The following AGPAT2 variants were observed in gnomAD, a reference collection of about 807,000 sequenced individuals.
AGPAT2 encodes 1-acyl-sn-glycerol-3-phosphate acyltransferase beta.
AGPAT2 carries 18 observed loss-of-function variants against 26.1 expected under a neutral mutation model. That is an observed-to-expected ratio of 0.69 (90% CI 0.48 to 1.02). The LOEUF is 1.02. Among genes scored for constraint, AGPAT2 ranks in the 50% least tolerant of loss-of-function variants. The probability of loss-of-function intolerance (pLI) is 0.00; values close to 1 mark genes in which losing one functional copy is unlikely to be tolerated. For missense variants in AGPAT2, 415 were observed against 394.9 expected, an observed-to-expected ratio of 1.05 and a Z score of -0.43; for synonymous variants, 200 against 174.2, an observed-to-expected ratio of 1.15 and a Z score of -1.16.
At chr9:136,686,230 T>G (rs1381319086) in intron 1 of AGPAT2, among the ~76,000 whole-genome samples, 2 of 152,194 alleles carry the variant, frequency 1.3e-5, no homozygotes, top group Non-Finnish European at 2.9e-5. Flanking sequence ...CCACTGCCCC[T>G]GGAACCACGG....
At chr9:136,687,092 G>C in intron 1 of AGPAT2, 84 bp downstream of exon 1, 1 of 1,438,644 alleles carries the variant, frequency 7.0e-7, no homozygotes, top group East Asian at 2.7e-5. Context: ...GGCGGGGCAG[G>C]AAGGAGGGAA....
intron 4 of AGPAT2, 95 bp from the exon 5 acceptor site, chr9:136,674,902 AC>A (rs1846070825): frequency 2.3e-6 from 2 of 861,232 alleles, no homozygotes; most frequent in Non-Finnish European, 3.3e-6. Flanking sequence ...CCTGCGGCCC[AC>A]CCACCCCTGC....
chr9:136,681,227 C>T lies in AGPAT2; in HGVS notation c.183-3671G>A, dbSNP rs893929446. ...GGCGGTGCTGAGCAGGCGCTGTGTC[C>T]CGCCGCCCACCACCGGCCCCTGGTC... On this transcript the variant is annotated intron_variant, in intron 1 of 5. Transcript: ENST00000371696. Among the ~76,000 whole-genome samples, 11 of 152,188 alleles carry T rather than the reference C, an allele frequency of 7.2e-5. No individual in the cohort carries two copies. The South Asian group carries it at 1.2e-3, about 17-fold the overall frequency.
At chr9:136,685,846 G>A (rs546306067) in intron 1 of AGPAT2, among the ~76,000 whole-genome samples, 1 of 152,180 alleles carries the variant, frequency 6.6e-6, no homozygotes, top group Non-Finnish European at 1.5e-5. Flanking sequence ...GGCCTTCACA[G>A]ATTCCAGCAC....
In AGPAT2 at chr9:136,673,804, G is replaced by A. The variant is rs773653710; in HGVS notation, c.785C>T (p.Thr262Ile). ...MRTTFLHISK[T>I]PQENGATAGS... Reference sequence around the variant, plus strand: ...CGCAGTGGCCCCGTTCTCCTGGGGGGTCTTGGAGATGTGGAGGAAGGTGGT... The same window carrying A: ...CGCAGTGGCCCCGTTCTCCTGGGGGATCTTGGAGATGTGGAGGAAGGTGGT... The change falls in exon 6 of 6, where the codon ACC becomes ATC. Residue 262 changes from threonine (T) to isoleucine (I), a missense_variant. Physicochemically the swap from Thr to Ile is moderately conservative, Grantham distance 89. Coordinates refer to ENST00000371696, the MANE Select transcript of AGPAT2 (RefSeq NM_006412.4). The A allele has an allele frequency of 5.6e-6, 9 of 1,606,390 alleles. No individual in the cohort carries two copies. The highest frequency in any genetic ancestry group is 5.3e-5 in the African/African-American group (4 of 74,806).
chr9:136,677,069 G>C lies in AGPAT2; in HGVS notation c.384C>G (p.Pro128=), dbSNP rs139719956. 1 of 1,613,124 alleles carries C rather than the reference G, an allele frequency of 6.2e-7. No homozygotes were observed. The highest frequency in any genetic ancestry group is 1.3e-5 in the African/African-American group (1 of 74,904). Residue 128 remains proline (P), a synonymous_variant, in exon 3 of 6, where the codon CCC becomes CCG. Transcript: ENST00000371696. ...IAKRELLFLG[P]VGLIMYLGGV... ...CCCCGAGGTACATGATGAGGCCCACGGGCCCCAGGAAGAGCAGCTCCCGCT... is the reference window on the plus strand; with the variant it reads ...CCCCGAGGTACATGATGAGGCCCACCGGCCCCAGGAAGAGCAGCTCCCGCT...
At chr9:136,680,615 G>A (rs962492800) in intron 1 of AGPAT2, among the ~76,000 whole-genome samples, 2 of 152,140 alleles carry the variant, frequency 1.3e-5, no homozygotes, top group Non-Finnish European at 2.9e-5. Context: ...GGGGTCCCCC[G>A]TAATATCTTT....
At chr9:136,677,661 C>G in intron 1 of AGPAT2, 105 bp from the exon 2 acceptor site, 2 of 1,416,254 alleles carry the variant, frequency 1.4e-6, no homozygotes, top group Non-Finnish European at 9.8e-7. Context: ...GAGGGGCCCT[C>G]CTGGCACGGG....
At chr9:136,687,125 C>A in intron 1 of AGPAT2, 51 bp downstream of exon 1, 1 of 1,535,216 alleles carries the variant, frequency 6.5e-7, no homozygotes, top group Non-Finnish European at 8.7e-7. Flanking sequence ...GTTAGGGAAG[C>A]GGAAGCGGCG....
intron 1 of AGPAT2, among the ~76,000 whole-genome samples, chr9:136,686,442 C>T (rs1311654204): frequency 6.6e-6 from 1 of 152,246 alleles, no homozygotes; most frequent in Non-Finnish European, 1.5e-5. Flanking sequence ...CCCAGTCTGA[C>T]CTCTGGCCCC....
chr9:136,683,072 G>C (rs1206460668), intron 1 of AGPAT2, among the ~76,000 whole-genome samples: 1 of 149,250 alleles, frequency 6.7e-6, no homozygotes, highest in Non-Finnish European at 1.5e-5. Context: ...GGGGGTGGGG[G>C]GGAGGGGGGG....
intron 1 of AGPAT2, among the ~76,000 whole-genome samples, chr9:136,684,957 C>T (rs1338160627): frequency 6.6e-6 from 1 of 152,178 alleles, no homozygotes; most frequent in East Asian, 1.9e-4. Context: ...CTGCCTTTCT[C>T]ACCCCTCCCG....
chr9:136,682,792 C>T (rs62580385), intron 1 of AGPAT2, among the ~76,000 whole-genome samples: 10,545 of 152,216 alleles, frequency 0.069, 466 homozygotes, highest in Non-Finnish European at 0.1. Context: ...CCGTAAGAGA[C>T]CCCTCTGGGG....
chr9:136,686,070 A>G (rs1459118106), intron 1 of AGPAT2, among the ~76,000 whole-genome samples: 1 of 152,148 alleles, frequency 6.6e-6, no homozygotes, highest in East Asian at 1.9e-4. Flanking sequence ...CGGACTCTCC[A>G]TGCTCACCAT....
At chr9:136,680,674 A>G (rs976199444) in intron 1 of AGPAT2, among the ~76,000 whole-genome samples, 2 of 151,186 alleles carry the variant, frequency 1.3e-5, no homozygotes, top group Middle Eastern at 3.2e-3. Flanking sequence ...ATCTTCATTT[A>G]TTTTTTATTT....
Position 136,676,960 on chromosome 9 carries a change from C to G in AGPAT2, c.492+1G>C. 6 of 1,490,792 alleles carry G rather than the reference C, an allele frequency of 4.0e-6. No individual in the cohort carries two copies. Among genetic ancestry groups the G allele is most frequent in the Non-Finnish European group, 5.4e-6 (6 of 1,102,552 alleles). The allele number at this position is 1,490,792 out of a possible 1,614,324, so 92.3% of individuals were successfully genotyped here. A position where few individuals can be genotyped will look rare whatever the true frequency, so the allele number is the denominator to read the frequency against. ...CACCGAGCCCGGCCCTGCACACTCA[C>G]GTTCTCCCTGACCATGCGCTCGCCC... On this transcript the variant is annotated splice_donor_variant, in intron 3 of 5. Coordinates refer to ENST00000371696, the MANE Select transcript of AGPAT2 (RefSeq NM_006412.4). LOFTEE classifies it high-confidence loss of function.
chr9:136,677,564 G>A lies in AGPAT2; in HGVS notation c.183-8C>T, dbSNP rs1235180834. ...ACGAACCAGCCGATGATGCTGCAGGGGAGGCCACCATGAACACGGGTCCCA... is the reference window on the plus strand; with the variant it reads ...ACGAACCAGCCGATGATGCTGCAGGAGAGGCCACCATGAACACGGGTCCCA... On this transcript the variant is annotated splice_polypyrimidine_tract_variant and splice_region_variant and intron_variant, in intron 1 of 5. Transcript: ENST00000371696. The A allele has an allele frequency of 6.2e-7, 1 of 1,612,900 alleles. No individual in the cohort carries two copies. Among genetic ancestry groups the A allele is most frequent in the Non-Finnish European group, 8.5e-7 (1 of 1,179,924 alleles).
chr9:136,676,941 G>A lies in AGPAT2; in HGVS notation c.492+20C>T, dbSNP rs778505785. 1.5e-6 allele frequency: 2 copies of A among 1,354,374 alleles called. No homozygotes were observed. The highest frequency in any genetic ancestry group is 7.1e-5 in the East Asian group (2 of 28,104). The allele number at this position is 1,354,374 out of a possible 1,614,324, so 83.9% of individuals were successfully genotyped here. On this transcript the variant is annotated intron_variant, in intron 3 of 5. Transcript: ENST00000371696. ...CCAGGCCCCACCCCAACCCCACCGA[G>A]CCCGGCCCTGCACACTCACGTTCTC...
intron 1 of AGPAT2, among the ~76,000 whole-genome samples, chr9:136,679,776 C>T (rs888820147): frequency 6.6e-6 from 1 of 152,220 alleles, no homozygotes; most frequent in Admixed American, 6.5e-5. Context: ...GAGGTGCCAG[C>T]CAGGGTGTTG....
Sources: gnomAD v4.1 joint callset for allele counts (sites outside exome capture counted in the v4.1 genomes callset) on GRCh38, gnomAD v4.1.1 for gene constraint, MANE v1.5 for transcripts, NCBI Gene and HGNC (gene_info 2026-07-23, HGNC 2026-07-21) for gene names.